The following CEP112 variants were observed in gnomAD, a reference collection of about 807,000 sequenced individuals.
CEP112 encodes centrosomal protein of 112 kDa.
In CEP112, 127 loss-of-function variants were observed where a neutral mutation model predicts 153.0. The observed-to-expected ratio is 0.83, with a 90% confidence interval of 0.72 to 0.96. The LOEUF is 0.96. Ranked by LOEUF, CEP112 falls within the 40% of genes least tolerant of loss-of-function variation. The probability of loss-of-function intolerance (pLI) is 0.00; values close to 1 mark genes in which losing one functional copy is unlikely to be tolerated. For synonymous variants in CEP112, 358 were observed against 374.4 expected, an observed-to-expected ratio of 0.96 and a Z score of 0.51; for missense variants, 1,089 against 1,101.2, an observed-to-expected ratio of 0.99 and a Z score of 0.16.
At chr17:65,664,118 T>C (rs946450640) in intron 24 of CEP112, among the ~76,000 whole-genome samples, 4 of 152,102 alleles carry the variant, frequency 2.6e-5, no homozygotes, top group African/African-American at 9.7e-5. Flanking sequence ...ATAACAGACA[T>C]TTGGGGAAAG....
intron 20 of CEP112, among the ~76,000 whole-genome samples, chr17:65,856,852 GTTCTATA>G: frequency 6.6e-6 from 1 of 152,274 alleles, no homozygotes; most frequent in East Asian, 1.9e-4. Context: ...TGTAGATACT[GTTCTATA>G]TTTTCACACA....
chr17:65,730,738 C>T (rs1043210248), intron 23 of CEP112, among the ~76,000 whole-genome samples: 1 of 151,750 alleles, frequency 6.6e-6, no homozygotes, highest in Non-Finnish European at 1.5e-5. Context: ...AAGAATTGCC[C>T]AATCTTATGA....
intron 4 of CEP112, among the ~76,000 whole-genome samples, chr17:66,163,843 C>T (rs891408426): frequency 7.9e-5 from 12 of 151,998 alleles, no homozygotes; most frequent in African/African-American, 2.2e-4. Context: ...AAAAGGACAA[C>T]CCAAACTGTT....
At chr17:65,936,802 C>T (rs2061322551) in intron 18 of CEP112, among the ~76,000 whole-genome samples, 2 of 122,448 alleles carry the variant, frequency 1.6e-5, no homozygotes, top group African/African-American at 5.7e-5. Context: ...CTCTCCCCCT[C>T]CCCCTCCCCC....
intron 12 of CEP112, among the ~76,000 whole-genome samples, chr17:66,043,749 C>T (rs951435592): frequency 6.6e-6 from 1 of 152,082 alleles, no homozygotes; most frequent in Non-Finnish European, 1.5e-5. Context: ...ATGAGTTTCT[C>T]ATAAGAAAAT....
At chr17:66,109,278 T>C (rs780783673) in intron 6 of CEP112, among the ~76,000 whole-genome samples, 2 of 152,190 alleles carry the variant, frequency 1.3e-5, no homozygotes, top group African/African-American at 2.4e-5. Context: ...AATTGGATTG[T>C]TTGTAACACA....
intron 11 of CEP112, among the ~76,000 whole-genome samples, chr17:66,057,559 A>G (rs2066743550): frequency 6.6e-6 from 1 of 152,212 alleles, no homozygotes; most frequent in Admixed American, 6.5e-5. Context: ...TTAAGGTGAG[A>G]GACATAGGAT....
intron 11 of CEP112, 123 bp downstream of exon 11, chr17:66,062,840 T>A: frequency 2.1e-6 from 1 of 475,630 alleles, no homozygotes; most frequent in Non-Finnish European, 3.6e-6. Context: ...CTAAACAGCC[T>A]GGAATTTTAG....
chr17:65,885,383 T>C (rs1308242264), intron 20 of CEP112, among the ~76,000 whole-genome samples: 2 of 152,220 alleles, frequency 1.3e-5, no homozygotes, highest in Non-Finnish European at 2.9e-5. Flanking sequence ...AAGACGATGT[T>C]GAAATCTGCT....
chr17:65,902,878 C>A (rs2059927237), intron 19 of CEP112, among the ~76,000 whole-genome samples: 1 of 152,008 alleles, frequency 6.6e-6, no homozygotes, highest in Non-Finnish European at 1.5e-5. Context: ...GTTATGTGTT[C>A]CAGAAGGGCA....
intron 17 of CEP112, among the ~76,000 whole-genome samples, chr17:65,987,087 G>T (rs1315127779): frequency 1.3e-5 from 2 of 151,970 alleles, no homozygotes; most frequent in Non-Finnish European, 2.9e-5. Flanking sequence ...TATAAACACA[G>T]AATAAAAATA....
At chr17:65,883,579 G>C (rs1289912695) in intron 20 of CEP112, among the ~76,000 whole-genome samples, 1 of 152,096 alleles carries the variant, frequency 6.6e-6, no homozygotes, top group Non-Finnish European at 1.5e-5. Flanking sequence ...TGCCCAGGCT[G>C]GTCTCTAACT....
chr17:65,989,311 C>A (rs7215457), intron 17 of CEP112, among the ~76,000 whole-genome samples: 87,966 of 150,230 alleles, frequency 0.59, 27,118 homozygotes, highest in African/African-American at 0.72. Flanking sequence ...ATCCCAAGGC[C>A]TATAAACATT....
intron 5 of CEP112, among the ~76,000 whole-genome samples, chr17:66,130,676 T>C (rs2070107605): frequency 6.7e-6 from 1 of 149,106 alleles, no homozygotes; most frequent in African/African-American, 2.5e-5. Context: ...CTCGGGACGC[T>C]GAGGCAGGAG....
At chr17:65,712,819 G>A (rs368179178) in intron 23 of CEP112, among the ~76,000 whole-genome samples, 5 of 152,156 alleles carry the variant, frequency 3.3e-5, no homozygotes, top group African/African-American at 1.2e-4. Context: ...GGTGGGTGCT[G>A]TGGGCGATAC....
At chr17:65,663,048 T>C (rs1303882372) in intron 24 of CEP112, among the ~76,000 whole-genome samples, 1 of 152,216 alleles carries the variant, frequency 6.6e-6, no homozygotes, top group East Asian at 1.9e-4. Flanking sequence ...GCAGAAAGGC[T>C]AAGATTTTAG....
intron 20 of CEP112, among the ~76,000 whole-genome samples, chr17:65,853,449 G>A (rs545461599): frequency 6.6e-6 from 1 of 152,046 alleles, no homozygotes; most frequent in East Asian, 1.9e-4. Flanking sequence ...TTCTATTTCC[G>A]GCCAGGCGCA....
chr17:65,935,014 C>G (rs557439405), intron 18 of CEP112, among the ~76,000 whole-genome samples: 1 of 152,282 alleles, frequency 6.6e-6, no homozygotes, highest in South Asian at 2.1e-4. Flanking sequence ...ATCAAGAGAA[C>G]TGCATGGGGG....
intron 21 of CEP112, among the ~76,000 whole-genome samples, chr17:65,801,710 T>A (rs1483437376): frequency 6.6e-6 from 1 of 152,202 alleles, no homozygotes; most frequent in Non-Finnish European, 1.5e-5. Flanking sequence ...CTTTCTGACC[T>A]TCATGGTTTC....
Sources: gnomAD v4.1 joint callset for allele counts (sites outside exome capture counted in the v4.1 genomes callset) on GRCh38, gnomAD v4.1.1 for gene constraint, MANE v1.5 for transcripts, NCBI Gene and HGNC (gene_info 2026-07-23, HGNC 2026-07-21) for gene names.